MARCHF7: variants seen among roughly 807,000 people sequenced by gnomAD.
MARCHF7 encodes the protein membrane associated ring-CH-type finger 7.
MARCHF7 carries 20 observed loss-of-function variants against 76.5 expected under a neutral mutation model. The ratio of observed to expected loss-of-function variants is 0.26; its 90% CI spans 0.18 to 0.38. MARCHF7 has a LOEUF of 0.38. Ranked by LOEUF, MARCHF7 falls within the 10% of genes least tolerant of loss-of-function variation. The pLI, the probability that MARCHF7 is intolerant of heterozygous loss-of-function variation, is 1.00. For synonymous variants in MARCHF7, 295 were observed against 293.0 expected (o/e 1.01, Z -0.07); for missense variants, 797 against 812.9 (o/e 0.98, Z 0.24).
At position 159,714,318 on chromosome 2, in the gene MARCHF7, A is replaced by C. The variant is rs1438252809; in HGVS notation, c.-142-239A>C. Among the ~76,000 whole-genome samples the C allele has an allele frequency of 2.6e-5, 4 of 152,224 alleles. No individual in the cohort carries two copies. The East Asian group carries it at 7.7e-4, about 29-fold the overall frequency. The stretch of plus-strand genomic sequence containing the variant: ...ATTATGGAGAGCTTCACATTACAAG[A>C]ATGAGCTTGACATGGCATCTGCCCT... On this transcript the variant is annotated intron_variant, in intron 1 of 11. Transcript: ENST00000409175.
rs568488252 is a variant in MARCHF7 at position 159,727,414 on chromosome 2, C to T, written c.-14-1595C>T. 6.5e-4 allele frequency among the ~76,000 whole-genome samples: 99 copies of T among 152,088 alleles called. 1 individual carries two copies. Among genetic ancestry groups the T allele is most frequent in the Non-Finnish European group, 6.9e-4 (47 of 68,004 alleles). ...CATCCTGGTTAACATGGTGAAACCC[C>T]GTCTCTACTAAAAATACAAAAAAAT... On this transcript the variant is annotated intron_variant, in intron 3 of 11. Transcript: ENST00000409175.
intron 4 of MARCHF7, chr2:159,734,231 G>A (rs1046764708): frequency 1.7e-5 from 12 of 714,452 alleles, no homozygotes; most frequent in Non-Finnish European, 2.1e-5. Context: ...GTTCTGTTTT[G>A]CCTTGTTGAG....
intron 8 of MARCHF7, among the ~76,000 whole-genome samples, chr2:159,757,853 A>T (rs1282654778): frequency 1.3e-5 from 2 of 152,244 alleles, no homozygotes; most frequent in Non-Finnish European, 1.5e-5. Flanking sequence ...CTCAAAATAT[A>T]GTGAAAACTC....
At chr2:159,746,509 C>T (rs1285915321) in intron 6 of MARCHF7, among the ~76,000 whole-genome samples, 2 of 152,244 alleles carry the variant, frequency 1.3e-5, no homozygotes, top group Non-Finnish European at 2.9e-5. Flanking sequence ...TCAAGCGATT[C>T]TCCTGTGTCA....
In MARCHF7 at chr2:159,732,974, T is replaced by C. The variant is rs1368043671; in HGVS notation, c.153+3799T>C. Reference sequence around the variant, plus strand: ...AAGATTAATTGAAAGAAAGAATACATGTGAAGCACTTGGAACAGTGCCTAG... The same window carrying C: ...AAGATTAATTGAAAGAAAGAATACACGTGAAGCACTTGGAACAGTGCCTAG... On this transcript the variant is annotated intron_variant, in intron 4 of 11. Coordinates refer to ENST00000409175, the MANE Select transcript of MARCHF7 (RefSeq NM_001282805.2). 7.2e-6 allele frequency: 7 copies of C among 969,226 alleles called. No individual in the cohort carries two copies. In the African/African-American group the frequency reaches 1.2e-4, roughly 17 times the overall value. The allele number at this position is 969,226 out of a possible 1,614,324, so 60.0% of individuals were successfully genotyped here. A position where few individuals can be genotyped will look rare whatever the true frequency, so the allele number is the denominator to read the frequency against.
chr2:159,761,485 GCCAACTGCAACCT>G (rs1206339894), intron 9 of MARCHF7, among the ~76,000 whole-genome samples: 1 of 125,196 alleles, frequency 8.0e-6, no homozygotes, highest in Non-Finnish European at 1.6e-5. Context: ...CATGATCTCG[GCCAACTGCAACCT>G]CCACCTCCCG....
chr2:159,764,255 T>TGTGTGTGTGTGCGCGCGCGC (rs10592175), intron 10 of MARCHF7, among the ~76,000 whole-genome samples: 2 of 131,370 alleles, frequency 1.5e-5, no homozygotes, highest in East Asian at 2.3e-4. Context: ...TGTGTGTGTG[T>TGTGTGTGTGTGCGCGCGCGC]GCGCGCGCCC....
rs1353136681 is a variant in MARCHF7 at position 159,770,743 on chromosome 2, G to A, written c.*3401G>A. ...AGTATTCAGCACAGTAACATGCTGT[G>A]TAGGTTTGGGACAAAATAGGCTCTA... On this transcript the variant is annotated 3_prime_UTR_variant, in exon 12 of 12. Transcript: ENST00000409175. The A allele has an allele frequency of 6.6e-6, 1 of 152,136 alleles. No individual in the cohort carries two copies. Among genetic ancestry groups the A allele is most frequent in the African/African-American group, 2.4e-5 (1 of 41,414 alleles). The allele number at this position is 152,136 out of a possible 1,614,324, so 9.4% of individuals were successfully genotyped here.
At chr2:159,716,027 A>G (rs1700995707) in intron 3 of MARCHF7, among the ~76,000 whole-genome samples, 1 of 152,142 alleles carries the variant, frequency 6.6e-6, no homozygotes, top group South Asian at 2.1e-4. Flanking sequence ...ACTTAACATC[A>G]TAGTCATATT....
chr2:159,730,315 TAA>T (rs1702634774), intron 4 of MARCHF7, among the ~76,000 whole-genome samples: 1 of 152,252 alleles, frequency 6.6e-6, no homozygotes, highest in African/African-American at 2.4e-5. Context: ...TGAGGTAATC[TAA>T]AAGAATCCTT....
intron 4 of MARCHF7, among the ~76,000 whole-genome samples, chr2:159,731,576 G>A (rs1702793973): frequency 6.6e-6 from 1 of 151,052 alleles, no homozygotes. Flanking sequence ...CCAACATGGA[G>A]AAACCCCGTC....
At position 159,769,549 on chromosome 2, in the gene MARCHF7, C is replaced by T. The variant is rs1290575014; in HGVS notation, c.*2207C>T. On this transcript the variant is annotated 3_prime_UTR_variant, in exon 12 of 12. Coordinates refer to ENST00000409175, the MANE Select transcript of MARCHF7 (RefSeq NM_001282805.2). ...GTCCCAGCTACTAAGGAGGCTGAGG[C>T]AGGAGAATTGCTTGAAAACCTGCAA... 3 of 152,068 alleles carry T rather than the reference C, an allele frequency of 2.0e-5. No homozygotes were observed. Among genetic ancestry groups the T allele is most frequent in the African/African-American group, 7.3e-5 (3 of 41,370 alleles). The allele number at this position is 152,068 out of a possible 1,614,324, so 9.4% of individuals were successfully genotyped here.
At chr2:159,754,928 G>T (rs558478265) in intron 8 of MARCHF7, among the ~76,000 whole-genome samples, 1 of 152,274 alleles carries the variant, frequency 6.6e-6, no homozygotes, top group Non-Finnish European at 1.5e-5. Flanking sequence ...TTTCCAGATT[G>T]TATTAGTGTC....
At chr2:159,719,133 G>T (rs983422274) in intron 3 of MARCHF7, among the ~76,000 whole-genome samples, 1 of 152,044 alleles carries the variant, frequency 6.6e-6, no homozygotes, top group Non-Finnish European at 1.5e-5. Context: ...CACCACTACC[G>T]CCCGGCTAAA....
At chr2:159,741,372 C>G (rs1704104479) in intron 4 of MARCHF7, among the ~76,000 whole-genome samples, 1 of 152,128 alleles carries the variant, frequency 6.6e-6, no homozygotes, top group Non-Finnish European at 1.5e-5. Flanking sequence ...ACAAAAAAAT[C>G]TGATGGTAAA....
chr2:159,740,541 C>G lies in MARCHF7; in HGVS notation c.154-2520C>G, dbSNP rs115774433. Among the ~76,000 whole-genome samples the G allele has an allele frequency of 5.4e-3, 824 of 152,288 alleles. 6 individuals carry two copies. The highest frequency in any genetic ancestry group is 9.7e-3 in the Non-Finnish European group (662 of 68,022). ...CTGAAATCCAGAGGTTTTAGAACCA[C>G]TGGCCTGCAGGATAAGGTCCCTGAT... On this transcript the variant is annotated intron_variant, in intron 4 of 11. Transcript: ENST00000409175.
intron 7 of MARCHF7, among the ~76,000 whole-genome samples, chr2:159,749,658 TC>T (rs530131014): frequency 1.2e-3 from 175 of 151,924 alleles, no homozygotes; most frequent in African/African-American, 4.1e-3. Flanking sequence ...GGAAATTTCA[TC>T]CCTTTACATC....
In MARCHF7 at chr2:159,743,071, C is replaced by T. The variant is rs1704342818; in HGVS notation, c.164C>T (p.Ala55Val). The T allele has an allele frequency of 6.2e-7, 1 of 1,613,248 alleles. No individual in the cohort carries two copies. The highest frequency in any genetic ancestry group is 1.3e-5 in the African/African-American group (1 of 75,010). Residue 55 changes from alanine to valine, a missense_variant, in exon 5 of 12, where the codon GCA (alanine) becomes GTA (valine). By Grantham distance (64) the Ala-to-Val change is moderately conservative (BLOSUM62 0). Coordinates refer to ENST00000409175, the MANE Select transcript of MARCHF7 (RefSeq NM_001282805.2). ...TTTTTGAACTCACAGTCTACATCAG[C>T]ATCAGCATCTGCGTCACCATTTCAA... ...RLDSEYQSTSASASASPFQSA... is the reference protein window; with the variant it reads ...RLDSEYQSTSVSASASPFQSA...
chr2:159,752,567 C>T lies in MARCHF7; in HGVS notation c.1779C>T (p.Asn593=), dbSNP rs762793357. 2.0e-6 allele frequency: 3 copies of T among 1,514,096 alleles called. No individual in the cohort carries two copies. The East Asian group carries it at 7.5e-5, about 38-fold the overall frequency. 93.8% of individuals were successfully genotyped at this position (1,514,096 alleles called of 1,614,324 possible). ...CMKKWLQAKI[N]SGSSLEAVTT... is the part of the protein sequence containing the mutation. ...AAAAGTGGTTACAGGCCAAAATTAA[C>T]TCTGGTAAGATTTACCCTTTTGTGT... The change falls in exon 8 of 12, where the codon AAC becomes AAT. Residue 593 remains asparagine (N), a synonymous_variant. Coordinates refer to ENST00000409175, the MANE Select transcript of MARCHF7 (RefSeq NM_001282805.2).
Sources: gnomAD v4.1 joint callset for allele counts (sites outside exome capture counted in the v4.1 genomes callset) on GRCh38, gnomAD v4.1.1 for gene constraint, MANE v1.5 for transcripts, NCBI Gene and HGNC (gene_info 2026-07-23, HGNC 2026-07-21) for gene names.